TENM2: variants seen among roughly 807,000 people sequenced by gnomAD.
The protein encoded by TENM2 is teneurin transmembrane protein 2, also known as teneurin-2.
A neutral mutation model predicts 245.2 loss-of-function variants in TENM2; 52 were observed. That is an observed-to-expected ratio of 0.21 (90% CI 0.17 to 0.27). The LOEUF is 0.27. Ranked by LOEUF, TENM2 falls within the 10% of genes least tolerant of loss-of-function variation. TENM2 has a pLI of 1.00. For missense variants in TENM2, 3,046 were observed against 3,666.8 expected, an observed-to-expected ratio of 0.83 and a Z score of 4.37; for synonymous variants, 1,363 against 1,438.9, an observed-to-expected ratio of 0.95 and a Z score of 1.19.
the TENM2 span, among the ~76,000 whole-genome samples, chr5:167,136,009 A>G: frequency 6.6e-6 from 1 of 152,086 alleles, no homozygotes; most frequent in Non-Finnish European, 1.5e-5. Flanking sequence ...TCCATATCCC[A>G]CCCCACTTAT....
chr5:168,047,329 A>G (rs1788692983), intron 5 of TENM2, 98 bp from the exon 8 acceptor site: 1 of 1,414,994 alleles, frequency 7.1e-7, no homozygotes, highest in African/African-American at 1.4e-5. Context: ...AGCTTCCTCA[A>G]AAGGCAATCG....
chr5:168,216,880 C>G (rs769213069), exon 22 of TENM2: 19 of 1,613,842 alleles, frequency 1.2e-5, no homozygotes, highest in Non-Finnish European at 1.6e-5. Context: ...ACCTCACTGC[C>G]GTCCGGCCGC....
At chr5:167,240,380 G>A in the TENM2 span, among the ~76,000 whole-genome samples, 2 of 151,464 alleles carry the variant, frequency 1.3e-5, no homozygotes, top group South Asian at 4.2e-4. Flanking sequence ...TCTTTTTAAT[G>A]ATATAACTCC....
intron 2 of TENM2, among the ~76,000 whole-genome samples, chr5:167,523,465 A>G (rs533464146): frequency 6.6e-6 from 1 of 152,258 alleles, no homozygotes; most frequent in Admixed American, 6.5e-5. Context: ...GCTAGATTTC[A>G]GTGAGCCAAC....
chr5:167,496,744 G>A (rs1318751259), intron 2 of TENM2, among the ~76,000 whole-genome samples: 2 of 152,062 alleles, frequency 1.3e-5, no homozygotes, highest in African/African-American at 4.8e-5. Context: ...TATTCAATTA[G>A]GGATGTGTAT....
chr5:167,403,805 A>G (rs1200374111), intron 2 of TENM2, among the ~76,000 whole-genome samples: 1 of 152,174 alleles, frequency 6.6e-6, no homozygotes, highest in Admixed American at 6.6e-5. Context: ...CCAGGGAATA[A>G]CACAGAAAGT....
exon 27 of TENM2, chr5:168,248,164 A>G (rs746648097): frequency 1.9e-6 from 3 of 1,613,894 alleles, no homozygotes; most frequent in South Asian, 1.1e-5. Context: ...CCAGATGGTC[A>G]TTGGCTTCCA....
chr5:167,490,632 T>A (rs1768371600), intron 2 of TENM2, among the ~76,000 whole-genome samples: 1 of 152,162 alleles, frequency 6.6e-6, no homozygotes, highest in Admixed American at 6.6e-5. Context: ...CTCATATTAT[T>A]GATAATTTTT....
At chr5:168,229,274 T>TTCTG (rs1308281030) in intron 25 of TENM2, among the ~76,000 whole-genome samples, 5 of 139,552 alleles carry the variant, frequency 3.6e-5, no homozygotes, top group Admixed American at 2.8e-4. Context: ...ACGTCTCTCT[T>TTCTG]TCTGTCTGAC....
At chr5:168,062,155 T>A in exon 7 of TENM2, 2 of 1,613,192 alleles carry the variant, frequency 1.2e-6, no homozygotes. Context: ...GTTTTGGAGG[T>A]CACAAATTCA....
intron 3 of TENM2, among the ~76,000 whole-genome samples, chr5:167,947,554 T>C (rs140309519): frequency 6.6e-5 from 10 of 152,310 alleles, no homozygotes; most frequent in African/African-American, 2.4e-4. Flanking sequence ...CAGACACTGT[T>C]ATTCTTGAAA....
intron 8 of TENM2, among the ~76,000 whole-genome samples, chr5:168,097,603 CGTGTGT>C (rs3083428): frequency 7.3e-4 from 109 of 149,272 alleles, no homozygotes; most frequent in Non-Finnish European, 1.4e-3. Context: ...TGTGTGTGTG[CGTGTGT>C]GTGTGTGTGT....
intron 2 of TENM2, among the ~76,000 whole-genome samples, chr5:167,464,802 C>G (rs1210296902): frequency 6.6e-6 from 1 of 152,112 alleles, no homozygotes; most frequent in African/African-American, 2.4e-5. Context: ...GCTTTCAAAT[C>G]TGTTTCATTA....
the TENM2 span, among the ~76,000 whole-genome samples, chr5:167,182,127 G>A: frequency 6.6e-6 from 1 of 152,034 alleles, no homozygotes; most frequent in African/African-American, 2.4e-5. Context: ...AAACATTTCA[G>A]GTAAACATTA....
At chr5:167,723,058 G>T (rs1005861241) in intron 2 of TENM2, among the ~76,000 whole-genome samples, 3 of 152,086 alleles carry the variant, frequency 2.0e-5, no homozygotes, top group Admixed American at 1.3e-4. Context: ...AAATACACCT[G>T]AGGTTGTGTA....
intron 2 of TENM2, among the ~76,000 whole-genome samples, chr5:167,836,304 A>G (rs962055357): frequency 4.7e-4 from 72 of 152,294 alleles, no homozygotes; most frequent in African/African-American, 1.6e-3. Context: ...ATAATTGTCT[A>G]TTGGAGTTAA....
intron 13 of TENM2, chr5:168,187,860 A>G (rs1287216745): frequency 1.3e-5 from 2 of 152,186 alleles, no homozygotes; most frequent in African/African-American, 4.8e-5. Context: ...TATCCGATTC[A>G]GCCAGCATAT....
intron 3 of TENM2, among the ~76,000 whole-genome samples, chr5:167,946,189 C>G (rs957203024): frequency 6.6e-6 from 1 of 152,172 alleles, no homozygotes; most frequent in Admixed American, 6.5e-5. Flanking sequence ...GAAATCTCTT[C>G]AAATATGGGA....
At chr5:168,191,399 C>T (rs1351503352) in intron 14 of TENM2, among the ~76,000 whole-genome samples, 1 of 152,048 alleles carries the variant, frequency 6.6e-6, no homozygotes, top group Non-Finnish European at 1.5e-5. Context: ...TATGGCTTGG[C>T]CATGCTTGAT....
Sources: gnomAD v4.1 joint callset for allele counts (sites outside exome capture counted in the v4.1 genomes callset) on GRCh38, gnomAD v4.1.1 for gene constraint, MANE v1.5 for transcripts, NCBI Gene and HGNC (gene_info 2026-07-23, HGNC 2026-07-21) for gene names.